The following TAF1 variants were observed in gnomAD, a reference collection of about 807,000 sequenced individuals.
TAF1 encodes the protein TATA-box binding protein associated factor 1.
A neutral mutation model predicts 138.5 loss-of-function variants in TAF1; 2 were observed. The observed-to-expected ratio is 0.01, with a 90% CI of 0.01 to 0.05. TAF1 has a LOEUF of 0.05. Among genes scored for constraint, TAF1 ranks in the 10% least tolerant of loss-of-function variants. TAF1 has a pLI of 1.00. For synonymous variants in TAF1, 437 were observed against 503.2 expected (o/e 0.87, Z 1.76); for missense variants, 709 against 1,478.0 (o/e 0.48, Z 8.53).
At chrX:71,484,181 AAAACATCCT>A (rs1177222439) in intron 13 of TAF1, among the ~76,000 whole-genome samples, 1 of 111,213 alleles carries the variant, frequency 9.0e-6, no homozygotes, top group Non-Finnish European at 1.9e-5. Context: ...TCATTCTTTT[AAAACATCCT>A]ATGGATAGAC....
At chrX:71,493,293 G>A (rs1182976979) in intron 13 of TAF1, among the ~76,000 whole-genome samples, 4 of 111,999 alleles carry the variant, frequency 3.6e-5, no homozygotes, top group African/African-American at 1.3e-4. Flanking sequence ...GATTACAGGC[G>A]TGAGCTAACT....
At chrX:71,376,702 A>G (rs2033501301) in intron 4 of TAF1, among the ~76,000 whole-genome samples, 1 of 110,145 alleles carries the variant, frequency 9.1e-6, no homozygotes, top group South Asian at 3.8e-4. Flanking sequence ...GGAAAGTAGT[A>G]AATGTAGTAA....
intron 28 of TAF1, among the ~76,000 whole-genome samples, chrX:71,415,025 AAAAG>A (rs1265896187): frequency 5.6e-4 from 40 of 71,236 alleles, no homozygotes; most frequent in Admixed American, 7.2e-4. Context: ...GTCTCAAAAA[AAAAG>A]AAAGAAAGAA....
rs1465953873 is a variant in TAF1, at chrX:71,465,179, G to A, written c.*1133G>A. ...CTCTATCAGATCCTTGGGATGCAAA[G>A]GTAAATAAGACAAATCCCTTTTACC... On this transcript the variant is annotated 3_prime_UTR_variant, in exon 38 of 38. Coordinates refer to ENST00000423759, the MANE Select transcript of TAF1 (RefSeq NM_004606.5). 1 of 111,606 alleles carries A rather than the reference G, an allele frequency of 9.0e-6. No individual in the cohort carries two copies. The highest frequency in any genetic ancestry group is 1.9e-5 in the Non-Finnish European group (1 of 53,176). 9.2% of individuals were successfully genotyped at this position (111,606 alleles called of 1,213,427 possible). A position where few individuals can be genotyped will look rare whatever the true frequency, so the allele number is the denominator to read the frequency against.
intron 13 of TAF1, among the ~76,000 whole-genome samples, chrX:71,498,178 C>G (rs890445287): frequency 2.7e-5 from 3 of 111,773 alleles, no homozygotes; most frequent in Non-Finnish European, 5.6e-5. Context: ...CAGATAAGGT[C>G]TATCCCTAAA....
chrX:71,454,913 T>G, intron 34 of TAF1, 56 bp downstream of exon 34: 1 of 1,198,501 alleles, frequency 8.3e-7, no homozygotes, highest in African/African-American at 1.7e-5. Context: ...TTTGGGAAAT[T>G]GGGAGCATGT....
chrX:71,520,457 C>T (rs1456015225), intron 13 of TAF1, among the ~76,000 whole-genome samples: 15 of 108,123 alleles, frequency 1.4e-4, no homozygotes, highest in Non-Finnish European at 2.3e-4. Context: ...CCGAGGCAGG[C>T]TGATCACTAG....
intron 13 of TAF1, among the ~76,000 whole-genome samples, chrX:71,502,071 G>C (rs768627670): frequency 9.0e-6 from 1 of 111,426 alleles, no homozygotes; most frequent in East Asian, 2.8e-4. Flanking sequence ...AAAGAACAAA[G>C]CTTCCACAGT....
chrX:71,413,187 A>G (rs1258940205), intron 28 of TAF1, among the ~76,000 whole-genome samples: 1 of 111,805 alleles, frequency 8.9e-6, no homozygotes, highest in African/African-American at 3.3e-5. Context: ...AGGGATACTC[A>G]GTCTGTACCT....
chrX:71,378,180 T>G, intron 6 of TAF1, 55 bp from the exon 7 acceptor site: 20 of 1,143,589 alleles, frequency 1.7e-5, no homozygotes, highest in Non-Finnish European at 2.4e-5. Context: ...TCTATAGCCT[T>G]AGGACATCTG....
chrX:71,503,298 G>GTGTATA (rs1556030944), intron 13 of TAF1, among the ~76,000 whole-genome samples: 3 of 80,289 alleles, frequency 3.7e-5, no homozygotes, highest in South Asian at 5.6e-4. Context: ...ATATATATGT[G>GTGTATA]TATATATATA....
chrX:71,440,737 T>C (rs1322653342), intron 32 of TAF1, among the ~76,000 whole-genome samples: 1 of 111,693 alleles, frequency 9.0e-6, no homozygotes, highest in Non-Finnish European at 1.9e-5. Flanking sequence ...GTTACCACTT[T>C]TTAAAATTTT....
At chrX:71,528,449 T>C in intron 13 of TAF1, 1 of 270,679 alleles carries the variant, frequency 3.7e-6, no homozygotes, top group Non-Finnish European at 7.0e-6. Flanking sequence ...CAGAAGTTCC[T>C]TTAGATTCTG....
chrX:71,435,079 C>T (rs1373973936), intron 32 of TAF1, among the ~76,000 whole-genome samples: 1 of 112,255 alleles, frequency 8.9e-6, no homozygotes, highest in African/African-American at 3.2e-5. Context: ...CCAAAGATTT[C>T]ATAGCAAGTT....
At chrX:71,412,011 C>T (rs1190461457) in intron 28 of TAF1, among the ~76,000 whole-genome samples, 1 of 111,900 alleles carries the variant, frequency 8.9e-6, no homozygotes, top group Non-Finnish European at 1.9e-5. Flanking sequence ...CCGCCTCGGC[C>T]TCCCAAAGTG....
At chrX:71,391,713 G>A (rs932111762) in intron 18 of TAF1, among the ~76,000 whole-genome samples, 2 of 102,427 alleles carry the variant, frequency 2.0e-5, no homozygotes, top group South Asian at 9.1e-4. Flanking sequence ...TGCAACCTCT[G>A]CCTGCTGGGT....
chrX:71,442,785 A>G (rs1243981904), intron 32 of TAF1, among the ~76,000 whole-genome samples: 3 of 111,896 alleles, frequency 2.7e-5, no homozygotes, highest in Non-Finnish European at 5.6e-5. Context: ...TAGGGTTTTT[A>G]TGGTTTTAGG....
chrX:71,367,712 C>T (rs2032660912), intron 2 of TAF1, 99 bp downstream of exon 2: 2 of 997,162 alleles, frequency 2.0e-6, no homozygotes, highest in Admixed American at 3.0e-5. Context: ...GCTCTGTCTC[C>T]GAGGTTGGAG....
intron 32 of TAF1, among the ~76,000 whole-genome samples, chrX:71,452,613 A>G (rs1352073031): frequency 2.8e-5 from 3 of 107,931 alleles, no homozygotes; most frequent in Non-Finnish European, 1.9e-5. Context: ...CAGATCCCAG[A>G]CGATGGGCGG....
Sources: allele counts gnomAD v4.1 joint callset (sites outside exome capture counted in the v4.1 genomes callset), GRCh38; gene constraint gnomAD v4.1.1; transcripts MANE v1.5; gene names NCBI Gene and HGNC (gene_info 2026-07-23, HGNC 2026-07-21).